NOL4: variants seen among roughly 807,000 people sequenced by gnomAD.
NOL4 encodes nucleolar protein 4.
A neutral mutation model predicts 75.9 loss-of-function variants in NOL4; 17 were observed. The ratio of observed to expected loss-of-function variants is 0.22; its 90% CI spans 0.15 to 0.34. The LOEUF (loss-of-function observed/expected upper bound fraction) is 0.34. Among genes scored for constraint, NOL4 ranks in the 10% least tolerant of loss-of-function variants. NOL4 has a pLI of 1.00. For missense variants in NOL4, 614 were observed against 793.5 expected (o/e 0.77, Z 2.72); for synonymous variants, 292 against 289.9 (o/e 1.01, Z -0.07).
At chr18:34,024,696 C>T (rs1465826765) in intron 5 of NOL4, among the ~76,000 whole-genome samples, 12 of 152,036 alleles carry the variant, frequency 7.9e-5, no homozygotes, top group Non-Finnish European at 2.9e-5. Context: ...GTAGCACTTT[C>T]CAGCACAGTA....
chr18:33,859,454 T>C (rs1204067521), intron 10 of NOL4, among the ~76,000 whole-genome samples: 3 of 152,206 alleles, frequency 2.0e-5, no homozygotes, highest in African/African-American at 7.2e-5. Context: ...CAAATGTTTT[T>C]CTGGTGTAAC....
chr18:34,104,414 C>A (rs1020608468), intron 3 of NOL4, among the ~76,000 whole-genome samples: 6 of 151,842 alleles, frequency 4.0e-5, no homozygotes, highest in Non-Finnish European at 8.8e-5. Context: ...AATAAATAAA[C>A]CTAATGTGGT....
chr18:33,892,811 C>A (rs935982016), intron 9 of NOL4, among the ~76,000 whole-genome samples: 85 of 152,066 alleles, frequency 5.6e-4, no homozygotes, highest in African/African-American at 1.9e-3. Flanking sequence ...GTGCACACTG[C>A]CTTCCTGGCT....
At chr18:34,070,117 C>T (rs934299248) in intron 5 of NOL4, among the ~76,000 whole-genome samples, 1 of 152,202 alleles carries the variant, frequency 6.6e-6, no homozygotes, top group Non-Finnish European at 1.5e-5. Flanking sequence ...CTGAAAGCTC[C>T]GCCTTCCGGG....
intron 9 of NOL4, among the ~76,000 whole-genome samples, chr18:33,916,327 T>C (rs2145204846): frequency 6.6e-6 from 1 of 152,266 alleles, no homozygotes; most frequent in Middle Eastern, 3.4e-3. Context: ...ATTTATTAAA[T>C]TGAATTGAAG....
At chr18:33,966,111 T>C (rs1161780281) in intron 6 of NOL4, among the ~76,000 whole-genome samples, 1 of 152,174 alleles carries the variant, frequency 6.6e-6, no homozygotes. Flanking sequence ...CACTACTTCA[T>C]GTTTAGAGCA....
intron 5 of NOL4, among the ~76,000 whole-genome samples, chr18:34,072,033 C>T (rs1341161624): frequency 6.6e-6 from 1 of 152,092 alleles, no homozygotes; most frequent in South Asian, 2.1e-4. Context: ...GAGTTCGAGA[C>T]CAGCCTGACC....
At chr18:33,859,581 T>C (rs2062995126) in intron 10 of NOL4, among the ~76,000 whole-genome samples, 1 of 152,312 alleles carries the variant, frequency 6.6e-6, no homozygotes. Flanking sequence ...TTTGAGGCTT[T>C]ATTATTGGGG....
chr18:34,049,168 G>A (rs2076524082), intron 5 of NOL4, among the ~76,000 whole-genome samples: 1 of 150,588 alleles, frequency 6.6e-6, no homozygotes, highest in Non-Finnish European at 1.5e-5. Flanking sequence ...GAGGTTTCAG[G>A]GTGGGGGAGG....
chr18:34,094,068 A>C (rs924757855), intron 4 of NOL4, among the ~76,000 whole-genome samples: 1 of 152,098 alleles, frequency 6.6e-6, no homozygotes, highest in African/African-American at 2.4e-5. Flanking sequence ...AACAAACAAA[A>C]AAACAATGGA....
At chr18:34,185,804 G>A (rs569386583) in intron 1 of NOL4, among the ~76,000 whole-genome samples, 1 of 152,066 alleles carries the variant, frequency 6.6e-6, no homozygotes, top group African/African-American at 2.4e-5. Context: ...AAATCATGAC[G>A]TATCTCCTAC....
chr18:34,057,334 T>C (rs1041737225), intron 5 of NOL4, among the ~76,000 whole-genome samples: 4 of 152,204 alleles, frequency 2.6e-5, no homozygotes, highest in East Asian at 1.9e-4. Flanking sequence ...TTTATTCACC[T>C]GGTGCTCAGA....
chr18:33,892,371 T>C (rs1385505077), intron 9 of NOL4, among the ~76,000 whole-genome samples: 1 of 152,080 alleles, frequency 6.6e-6, no homozygotes, highest in Non-Finnish European at 1.5e-5. Context: ...TCTGAGACTA[T>C]AGTGAGCTGT....
chr18:33,994,383 T>C (rs1455725652), intron 6 of NOL4, among the ~76,000 whole-genome samples: 2 of 151,976 alleles, frequency 1.3e-5, no homozygotes, highest in East Asian at 3.8e-4. Context: ...ATGTGGATCA[T>C]TCTGCAGGTT....
chr18:34,024,756 G>C (rs1481556870), intron 5 of NOL4, among the ~76,000 whole-genome samples: 1 of 152,132 alleles, frequency 6.6e-6, no homozygotes, highest in East Asian at 1.9e-4. Context: ...TCGAATAATA[G>C]ATGTGTATTA....
At chr18:34,037,183 C>CA (rs2075946305) in intron 5 of NOL4, among the ~76,000 whole-genome samples, 1 of 151,936 alleles carries the variant, frequency 6.6e-6, no homozygotes, top group Non-Finnish European at 1.5e-5. Context: ...ACAATAGCTA[C>CA]AAAAAATCCC....
chr18:33,940,613 G>A (rs760875113), intron 9 of NOL4, among the ~76,000 whole-genome samples: 6 of 151,802 alleles, frequency 4.0e-5, no homozygotes, highest in Non-Finnish European at 8.8e-5. Flanking sequence ...TGGGTTGATG[G>A]GTGAAGCAAA....
intron 8 of NOL4, among the ~76,000 whole-genome samples, chr18:33,947,924 T>C (rs553052076): frequency 1.3e-5 from 2 of 152,042 alleles, no homozygotes; most frequent in East Asian, 3.9e-4. Context: ...TGGCATGATG[T>C]AAATGTGTCT....
intron 4 of NOL4, among the ~76,000 whole-genome samples, chr18:34,099,017 G>C (rs568427465): frequency 1.3e-5 from 2 of 152,046 alleles, no homozygotes; most frequent in Non-Finnish European, 2.9e-5. Context: ...ATAGAATTTT[G>C]ATATTTGAAC....
Sources: allele counts gnomAD v4.1 joint callset (sites outside exome capture counted in the v4.1 genomes callset), GRCh38; gene constraint gnomAD v4.1.1; transcripts MANE v1.5; gene names NCBI Gene and HGNC (gene_info 2026-07-23, HGNC 2026-07-21).